Variants in IPPK observed in about 807,000 individuals in gnomAD.
IPPK encodes IPK1 homolog.
Under a neutral mutation model 64.6 loss-of-function variants are expected in IPPK, and 22 were observed. The observed-to-expected ratio is 0.34, with a 90% CI of 0.24 to 0.49. The LOEUF is 0.49. Ranked by LOEUF, IPPK falls within the 20% of genes least tolerant of loss-of-function variation. IPPK has a pLI of 0.99. For missense variants in IPPK, 532 were observed against 630.7 expected (o/e 0.84, Z 1.68); for synonymous variants, 262 against 247.2 (o/e 1.06, Z -0.56).
Position 92,642,737 on chromosome 9 carries a change from G to A in IPPK, c.563+15C>T, listed in dbSNP as rs373321539. ...GAACCTGACACAAGGGGGCAAAGGA[G>A]AAGTGTTCTCTTACCCTGAGTAGAG... On this transcript the variant is annotated intron_variant, in intron 7 of 12. Transcript: ENST00000287996. The A allele has an allele frequency of 3.7e-6, 6 of 1,611,760 alleles. No individual in the cohort carries two copies. The highest frequency in any genetic ancestry group is 1.1e-5 in the South Asian group (1 of 91,018).
At chr9:92,668,592 T>C (rs1852652805) in intron 1 of IPPK, among the ~76,000 whole-genome samples, 1 of 152,230 alleles carries the variant, frequency 6.6e-6, no homozygotes, top group Admixed American at 6.5e-5. Flanking sequence ...ATTGGAAGAT[T>C]AGTATTTGTT....
In IPPK at chr9:92,615,767, G is replaced by C. The variant is rs780236906; in HGVS notation, c.*65C>G. 3.7e-6 allele frequency: 5 copies of C among 1,358,984 alleles called. No individual in the cohort carries two copies. The highest frequency in any genetic ancestry group is 1.7e-5 in the Admixed American group (1 of 57,980). The allele number at this position is 1,358,984 out of a possible 1,614,324, so 84.2% of individuals were successfully genotyped here. A position where few individuals can be genotyped will look rare whatever the true frequency, so the allele number is the denominator to read the frequency against. On this transcript the variant is annotated 3_prime_UTR_variant, in exon 13 of 13. Transcript: ENST00000287996. ...CAACCAAAGGTCACCCAACACAACA[G>C]AAAATATCTCTATCATTCAGCCTTC...
At chr9:92,649,010 A>G (rs553245748) in intron 5 of IPPK, among the ~76,000 whole-genome samples, 7 of 152,362 alleles carry the variant, frequency 4.6e-5, no homozygotes, top group South Asian at 4.1e-4. Flanking sequence ...TCTACAGGGC[A>G]ACCTGCAGAT....
rs41266687 is a variant in IPPK at position 92,648,288 on chromosome 9, C to A, written c.415-140G>T. The A allele has an allele frequency of 6.6e-4, 435 of 658,958 alleles. 2 individuals are homozygous for A. Among genetic ancestry groups the A allele is most frequent in the Admixed American group, 2.1e-3 (80 of 38,714 alleles). 40.8% of individuals were successfully genotyped at this position (658,958 alleles called of 1,614,324 possible). On this transcript the variant is annotated intron_variant, in intron 5 of 12. Coordinates refer to ENST00000287996, the MANE Select transcript of IPPK (RefSeq NM_022755.6). ...GCCCCAGAAGCTGTTTTCATTTGCA[C>A]CTCCCAGCGGGAACAACACTTCCTG... is the stretch of plus-strand genomic sequence containing the variant.
intron 11 of IPPK, chr9:92,620,573 T>C (rs971984): frequency 0.18 from 27,164 of 152,260 alleles, 3,502 homozygotes; most frequent in East Asian, 0.66. Flanking sequence ...TTTGTACTGA[T>C]GACAGACCAT....
chr9:92,621,718 T>C (rs1851638133), intron 11 of IPPK, among the ~76,000 whole-genome samples: 1 of 152,134 alleles, frequency 6.6e-6, no homozygotes, highest in Admixed American at 6.5e-5. Context: ...GGTCTCGCTA[T>C]GTTGCCCAGG....
Position 92,613,283 on chromosome 9 carries a change from T to A in IPPK, c.*2549A>T. Reference sequence around the variant, plus strand: ...TGCTGTCTATGCAGTTATGGCACATTATATGGAAACTCTCATGACATGAAA... The same window carrying A: ...TGCTGTCTATGCAGTTATGGCACATAATATGGAAACTCTCATGACATGAAA... On this transcript the variant is annotated 3_prime_UTR_variant, in exon 13 of 13. Transcript: ENST00000287996. The A allele has an allele frequency of 1.0e-6, 1 of 957,900 alleles. No homozygotes were observed. Among genetic ancestry groups the A allele is most frequent in the South Asian group, 1.6e-5 (1 of 61,548 alleles). 59.3% of individuals were successfully genotyped at this position (957,900 alleles called of 1,614,324 possible). A position where few individuals can be genotyped will look rare whatever the true frequency, so the allele number is the denominator to read the frequency against.
chr9:92,638,351 C>A (rs918525467), intron 8 of IPPK, 71 bp from the exon 9 acceptor site: 41 of 1,534,224 alleles, frequency 2.7e-5, no homozygotes, highest in Non-Finnish European at 3.4e-5. Context: ...CAGTCCCCAC[C>A]ACCAGCATCC....
Position 92,616,097 on chromosome 9 carries a change from C to G in IPPK, c.1251-40G>C, listed in dbSNP as rs747352358. 5.0e-6 allele frequency: 7 copies of G among 1,387,382 alleles called. No individual in the cohort carries two copies. The Admixed American group carries it at 1.3e-4, about 26-fold the overall frequency. The allele number at this position is 1,387,382 out of a possible 1,614,324, so 85.9% of individuals were successfully genotyped here. On this transcript the variant is annotated intron_variant, in intron 12 of 12. Transcript: ENST00000287996. ...TACCATTTCAGGATACACAAGCCCCCCATTCATTTCCCTCCCTCCCGTTCT... is the reference window on the plus strand; with the variant it reads ...TACCATTTCAGGATACACAAGCCCCGCATTCATTTCCCTCCCTCCCGTTCT...
At chr9:92,637,355 T>C (rs1851960743) in intron 9 of IPPK, among the ~76,000 whole-genome samples, 1 of 151,830 alleles carries the variant, frequency 6.6e-6, no homozygotes, top group African/African-American at 2.4e-5. Flanking sequence ...GGGCTTAGGG[T>C]ATGGGTTGGT....
chr9:92,617,142 A>G (rs1851466591), intron 12 of IPPK: 1 of 152,210 alleles, frequency 6.6e-6, no homozygotes, highest in African/African-American at 2.4e-5. Flanking sequence ...AATTAAGGTC[A>G]TGAGTCTCGC....
At chr9:92,665,921 T>C (rs949770559) in intron 1 of IPPK, among the ~76,000 whole-genome samples, 6 of 152,144 alleles carry the variant, frequency 3.9e-5, no homozygotes, top group African/African-American at 1.4e-4. Flanking sequence ...ACACCTTCAA[T>C]GCCCAGACAA....
In IPPK at chr9:92,670,016, G is replaced by C. The variant is rs748885426; in HGVS notation, c.-28C>G. On this transcript the variant is annotated 5_prime_UTR_variant, in exon 1 of 13. Coordinates refer to ENST00000287996, the MANE Select transcript of IPPK (RefSeq NM_022755.6). ...CCAGGCGCAGCCCTGGCGCCTCGCG[G>C]GCTAGGACTCGGGGACGCGAGCTGG... 3 of 1,563,140 alleles carry C rather than the reference G, an allele frequency of 1.9e-6. No homozygotes were observed. The highest frequency in any genetic ancestry group is 2.3e-5 in the South Asian group (2 of 87,666).
chr9:92,629,081 C>T (rs1355001151), intron 11 of IPPK, among the ~76,000 whole-genome samples: 3 of 151,952 alleles, frequency 2.0e-5, no homozygotes, highest in South Asian at 2.1e-4. Flanking sequence ...GAGCAAGACC[C>T]GACCCTGTCT....
At chr9:92,651,267 T>C (rs1294089799) in intron 4 of IPPK, among the ~76,000 whole-genome samples, 1 of 152,230 alleles carries the variant, frequency 6.6e-6, no homozygotes, top group African/African-American at 2.4e-5. Context: ...TGCCTGGCTG[T>C]GCTCCGGGCA....
At chr9:92,668,588 A>G (rs1852652704) in intron 1 of IPPK, among the ~76,000 whole-genome samples, 1 of 152,248 alleles carries the variant, frequency 6.6e-6, no homozygotes, top group African/African-American at 2.4e-5. Flanking sequence ...AGGAATTGGA[A>G]GATTAGTATT....
intron 11 of IPPK, among the ~76,000 whole-genome samples, chr9:92,621,138 T>A (rs1394861624): frequency 1.4e-5 from 2 of 142,210 alleles, no homozygotes; most frequent in African/African-American, 5.2e-5. Flanking sequence ...GGCTCTACCC[T>A]CATGACCTAA....
intron 12 of IPPK, chr9:92,618,880 G>C: frequency 2.9e-6 from 1 of 341,416 alleles, no homozygotes. Context: ...AATACTGGGT[G>C]CAGGGTTTAG....
chr9:92,656,691 C>G, intron 2 of IPPK, 140 bp from the exon 3 acceptor site: 1 of 619,120 alleles, frequency 1.6e-6, no homozygotes, highest in Non-Finnish European at 2.9e-6. Flanking sequence ...CGGGTGACAG[C>G]CCTCAGACCC....
Sources: gnomAD v4.1 joint callset for allele counts (sites outside exome capture counted in the v4.1 genomes callset) on GRCh38, gnomAD v4.1.1 for gene constraint, MANE v1.5 for transcripts, NCBI Gene and HGNC (gene_info 2026-07-23, HGNC 2026-07-21) for gene names.